Variants in PACRG observed in about 807,000 individuals in gnomAD.
PACRG encodes the protein parkin coregulated gene protein.
PACRG carries 29 observed loss-of-function variants against 29.7 expected under a neutral mutation model. The observed-to-expected ratio is 0.98, with a 90% CI of 0.73 to 1.33. The LOEUF (loss-of-function observed/expected upper bound fraction) is 1.33, where lower values mean the gene tolerates loss of function less well. Among genes scored for constraint, PACRG ranks in the 40% most tolerant of loss-of-function variants. The pLI is 0.00. For synonymous variants in PACRG, 116 were observed against 118.7 expected (o/e 0.98, Z 0.15); for missense variants, 279 against 316.2 (o/e 0.88, Z 0.89).
intron 4 of PACRG, among the ~76,000 whole-genome samples, chr6:163,205,703 T>G (rs1349829900): frequency 1.3e-5 from 2 of 151,918 alleles, no homozygotes; most frequent in African/African-American, 4.8e-5. Context: ...AAACAAAAAT[T>G]TACAAATGGG....
At chr6:162,972,393 C>T (rs947692746) in intron 2 of PACRG, among the ~76,000 whole-genome samples, 5 of 152,146 alleles carry the variant, frequency 3.3e-5, no homozygotes, top group Non-Finnish European at 7.3e-5. Flanking sequence ...ACAGATTCTT[C>T]TGGAATTTTT....
At chr6:163,018,719 G>A (rs780383862) in intron 2 of PACRG, among the ~76,000 whole-genome samples, 19 of 152,142 alleles carry the variant, frequency 1.2e-4, no homozygotes, top group East Asian at 1.9e-4. Context: ...CCAGTAATAC[G>A]GCCTATCCTT....
chr6:163,043,009 G>C (rs551444308), intron 2 of PACRG: 1 of 151,898 alleles, frequency 6.6e-6, no homozygotes. Context: ...ATTATTATAC[G>C]CAAACCCAAA....
intron 4 of PACRG, among the ~76,000 whole-genome samples, chr6:163,274,764 C>T (rs1783964583): frequency 6.6e-6 from 1 of 152,082 alleles, no homozygotes; most frequent in African/African-American, 2.4e-5. Context: ...GACTGTACTT[C>T]CTCTTTGATG....
chr6:163,147,855 C>A (rs1562939086), intron 4 of PACRG, among the ~76,000 whole-genome samples: 1 of 152,138 alleles, frequency 6.6e-6, no homozygotes, highest in East Asian at 1.9e-4. Context: ...TTAGCAATGC[C>A]CCTCTAGCAC....
rs188937036 is a variant in PACRG, at chr6:163,217,412, C to G, written c.614-97415C>G. 7.4e-4 allele frequency among the ~76,000 whole-genome samples: 112 copies of G among 152,342 alleles called. 1 individual carries two copies. Among genetic ancestry groups the G allele is most frequent in the Admixed American group, 4.6e-3 (71 of 15,308 alleles). On this transcript the variant is annotated intron_variant, in intron 4 of 4. Coordinates refer to ENST00000366888, the MANE Select transcript of PACRG (RefSeq NM_001080379.2). ...GGCCCAGTCACAGATACAAAGCCCA[C>G]GTCCACGCAGTCTGCTCAGGAGGGG...
chr6:163,267,339 C>T (rs896573054), intron 4 of PACRG, among the ~76,000 whole-genome samples: 1 of 152,166 alleles, frequency 6.6e-6, no homozygotes, highest in Non-Finnish European at 1.5e-5. Flanking sequence ...TATTGAATGC[C>T]TACTAAGTGC....
At chr6:162,965,083 G>A (rs1386016013) in intron 2 of PACRG, among the ~76,000 whole-genome samples, 22 of 152,214 alleles carry the variant, frequency 1.4e-4, no homozygotes, top group Admixed American at 1.4e-3. Flanking sequence ...AGCTGGAGTT[G>A]GGTAGGGTGC....
chr6:162,951,249 C>G (rs1432183752), intron 2 of PACRG, among the ~76,000 whole-genome samples: 1 of 152,198 alleles, frequency 6.6e-6, no homozygotes, highest in African/African-American at 2.4e-5. Context: ...CAAAAGTTCC[C>G]TCCCAGGTTT....
chr6:163,283,019 T>C (rs1462897917), intron 4 of PACRG, among the ~76,000 whole-genome samples: 2 of 152,272 alleles, frequency 1.3e-5, no homozygotes, highest in East Asian at 3.8e-4. Context: ...TTACTACTGA[T>C]TCTTGGCATT....
intron 4 of PACRG, among the ~76,000 whole-genome samples, chr6:163,231,506 C>T (rs1286564211): frequency 6.6e-6 from 1 of 152,196 alleles, no homozygotes; most frequent in Non-Finnish European, 1.5e-5. Flanking sequence ...TTGTCACACC[C>T]TGCACGGATG....
chr6:162,789,199 G>A (rs1362299884), intron 1 of PACRG, among the ~76,000 whole-genome samples: 1 of 152,110 alleles, frequency 6.6e-6, no homozygotes, highest in African/African-American at 2.4e-5. Flanking sequence ...TTTCTTCCCT[G>A]TTTTGATCAT....
chr6:162,939,789 T>C (rs1364831903), intron 2 of PACRG, among the ~76,000 whole-genome samples: 1 of 152,144 alleles, frequency 6.6e-6, no homozygotes, highest in African/African-American at 2.4e-5. Flanking sequence ...GGGCTTTTAT[T>C]TTACTTCGAT....
chr6:163,165,002 A>G (rs745454334), intron 4 of PACRG, among the ~76,000 whole-genome samples: 8 of 152,120 alleles, frequency 5.3e-5, no homozygotes, highest in Non-Finnish European at 1.0e-4. Flanking sequence ...AGCCAAAAGC[A>G]TGTGTTGAGC....
At position 162,967,664 on chromosome 6, in the gene PACRG, G is replaced by A. The variant is rs763374830; in HGVS notation, c.292-94486G>A. ...TGGGACTACAGGCGCCTGCCACCAC[G>A]CCCGGCTAATTTTTTTGTATTTTTT... On this transcript the variant is annotated intron_variant, in intron 2 of 4. Coordinates refer to ENST00000366888, the MANE Select transcript of PACRG (RefSeq NM_001080379.2). 6.0e-4 allele frequency among the ~76,000 whole-genome samples: 91 copies of A among 151,914 alleles called. 1 individual carries two copies. Among genetic ancestry groups the A allele is most frequent in the Admixed American group, 1.9e-3 (29 of 15,256 alleles).
At chr6:163,075,612 A>G (rs1392862992) in intron 3 of PACRG, among the ~76,000 whole-genome samples, 1 of 152,226 alleles carries the variant, frequency 6.6e-6, no homozygotes, top group Non-Finnish European at 1.5e-5. Context: ...AGAAAAATCA[A>G]TCAAGCCAAT....
intron 1 of PACRG, among the ~76,000 whole-genome samples, chr6:162,810,978 A>G (rs1281028478): frequency 6.6e-6 from 1 of 152,220 alleles, no homozygotes; most frequent in East Asian, 1.9e-4. Flanking sequence ...AAAGAAATGC[A>G]TGCAAAGGCA....
chr6:163,057,288 A>T (rs192058061), intron 2 of PACRG, among the ~76,000 whole-genome samples: 5 of 152,328 alleles, frequency 3.3e-5, no homozygotes, highest in Admixed American at 3.3e-4. Flanking sequence ...TTTGGTCTCT[A>T]GTTTCCCCGT....
At chr6:163,312,102 GC>G in intron 4 of PACRG, among the ~76,000 whole-genome samples, 2 of 152,296 alleles carry the variant, frequency 1.3e-5, no homozygotes, top group East Asian at 3.9e-4. Flanking sequence ...TTTTCCGTGT[GC>G]CCTCCAGGGG....
Sources: allele counts gnomAD v4.1 joint callset (sites outside exome capture counted in the v4.1 genomes callset), GRCh38; gene constraint gnomAD v4.1.1; transcripts MANE v1.5; gene names NCBI Gene and HGNC (gene_info 2026-07-23, HGNC 2026-07-21).